Variants in DLG2 observed in about 807,000 individuals in gnomAD.
DLG2 encodes discs large MAGUK scaffold protein 2, also known as disks large homolog 2.
Under a neutral mutation model 132.5 loss-of-function variants are expected in DLG2, and 45 were observed. That is an observed-to-expected ratio of 0.34 (90% CI 0.27 to 0.44). The LOEUF is 0.44. Among genes scored for constraint, DLG2 ranks in the 20% least tolerant of loss-of-function variants. The pLI is 1.00. For synonymous variants in DLG2, 424 were observed against 419.6 expected (o/e 1.01, Z -0.13); for missense variants, 1,045 against 1,196.9 (o/e 0.87, Z 1.87).
intron 21 of DLG2, among the ~76,000 whole-genome samples, chr11:83,496,303 G>A (rs2094146761): frequency 6.6e-6 from 1 of 151,788 alleles, no homozygotes; most frequent in Non-Finnish European, 1.5e-5. Context: ...TAAAATTAAA[G>A]ACTGACAATA....
chr11:83,926,585 T>A (rs774371674), intron 15 of DLG2, among the ~76,000 whole-genome samples: 1 of 152,094 alleles, frequency 6.6e-6, no homozygotes. Context: ...CTAAATAAAT[T>A]AATAGATATA....
chr11:84,371,817 T>C (rs536211756), intron 7 of DLG2, among the ~76,000 whole-genome samples: 9 of 152,158 alleles, frequency 5.9e-5, no homozygotes, highest in African/African-American at 2.2e-4. Flanking sequence ...GAAAATAATA[T>C]CTCCTGCATG....
chr11:84,599,279 T>G (rs1306233571), intron 6 of DLG2, among the ~76,000 whole-genome samples: 1 of 152,122 alleles, frequency 6.6e-6, no homozygotes, highest in Non-Finnish European at 1.5e-5. Flanking sequence ...AAATCAGATC[T>G]CAGGACATTA....
intron 6 of DLG2, among the ~76,000 whole-genome samples, chr11:84,627,101 C>T (rs1411660551): frequency 6.6e-6 from 1 of 152,046 alleles, no homozygotes; most frequent in Non-Finnish European, 1.5e-5. Context: ...GAAGTCCTGA[C>T]ATCAGGTCAT....
chr11:84,688,165 T>A (rs1172281651), intron 6 of DLG2, among the ~76,000 whole-genome samples: 1 of 152,016 alleles, frequency 6.6e-6, no homozygotes, highest in South Asian at 2.1e-4. Flanking sequence ...ATAGAAAAAA[T>A]TTGTGTTGCA....
chr11:84,803,981 G>A (rs1426531877), intron 6 of DLG2, among the ~76,000 whole-genome samples: 1 of 152,192 alleles, frequency 6.6e-6, no homozygotes, highest in Non-Finnish European at 1.5e-5. Context: ...AGTGGTAGAT[G>A]TGAGAATTAA....
In DLG2 at chr11:84,500,151, C is replaced by T. The variant is rs192241192; in HGVS notation, c.519+34419G>A. Among the ~76,000 whole-genome samples, 6 of 152,030 alleles carry T rather than the reference C, an allele frequency of 3.9e-5. 1 individual carries two copies. Among genetic ancestry groups the T allele is most frequent in the Admixed American group, 3.3e-4 (5 of 15,284 alleles). ...ATAAAGAAAATAAAATAAACATGGT[C>T]GTATGATAGAGCGAGTTGGAAAGGT... On this transcript the variant is annotated intron_variant, in intron 7 of 27. Transcript: ENST00000376104.
chr11:84,344,762 T>C (rs1001040613), intron 7 of DLG2, among the ~76,000 whole-genome samples: 2 of 152,224 alleles, frequency 1.3e-5, no homozygotes, highest in African/African-American at 4.8e-5. Context: ...AGGTTATTAC[T>C]CAAGTTACCA....
At position 83,622,435 on chromosome 11, in the gene DLG2, A is replaced by G. The variant is rs187830739; in HGVS notation, c.1940+10776T>C. 1.7e-4 allele frequency among the ~76,000 whole-genome samples: 26 copies of G among 152,302 alleles called. No homozygotes were observed. The East Asian group carries it at 3.9e-3, about 23-fold the overall frequency. ...GGACCTGGCTCATACAACTGTAATG[A>G]TCACAACTCATTAGGGACTCTCTCA... On this transcript the variant is annotated intron_variant, in intron 19 of 27. Transcript: ENST00000376104.
chr11:83,912,293 GGTT>G (rs928422513), intron 15 of DLG2, among the ~76,000 whole-genome samples: 2 of 152,004 alleles, frequency 1.3e-5, no homozygotes, highest in African/African-American at 4.8e-5. Flanking sequence ...CTTATGACTG[GGTT>G]GTTATCTTTA....
chr11:85,129,713 C>A (rs2075504733), intron 5 of DLG2, among the ~76,000 whole-genome samples: 1 of 152,098 alleles, frequency 6.6e-6, no homozygotes, highest in African/African-American at 2.4e-5. Context: ...TGTGTATATA[C>A]CCAAAAGATT....
intron 4 of DLG2, among the ~76,000 whole-genome samples, chr11:85,269,716 C>T (rs777012102): frequency 5.0e-4 from 76 of 152,190 alleles, no homozygotes; most frequent in Non-Finnish European, 9.4e-4. Context: ...CAAGCCCACA[C>T]AAAGAGAGAA....
chr11:84,258,991 G>T (rs2097516758), intron 7 of DLG2, among the ~76,000 whole-genome samples: 1 of 152,120 alleles, frequency 6.6e-6, no homozygotes, highest in South Asian at 2.1e-4. Context: ...GCATGTGTAG[G>T]CCAGGAACAG....
At chr11:84,098,035 C>CTTTTTTTTTTTTT (rs35298703) in intron 10 of DLG2, among the ~76,000 whole-genome samples, 59 of 121,782 alleles carry the variant, frequency 4.8e-4, no homozygotes, top group African/African-American at 1.6e-3. Context: ...CACCATGTGC[C>CTTTTTTTTTTTTT]TTTTTTTTTT....
In DLG2 at chr11:84,573,285, G is replaced by A. The variant is rs375424986; in HGVS notation, c.358-38554C>T. Among the ~76,000 whole-genome samples the A allele has an allele frequency of 5.0e-3, 762 of 152,038 alleles. 5 individuals are homozygous for A. Among genetic ancestry groups the A allele is most frequent in the Middle Eastern group, 0.027 (8 of 294 alleles). ...TTAACTATTTTTAGTTATCTATTAA[G>A]TAGCAAGTGATATCAATTTTCCATT... On this transcript the variant is annotated intron_variant, in intron 6 of 27. Transcript: ENST00000376104.
At chr11:85,353,746 C>T (rs890130773) in intron 3 of DLG2, among the ~76,000 whole-genome samples, 5 of 152,098 alleles carry the variant, frequency 3.3e-5, no homozygotes, top group Non-Finnish European at 7.3e-5. Flanking sequence ...GGACAGAAAA[C>T]CAAACACTGC....
chr11:85,151,195 T>C (rs1211660820), intron 5 of DLG2, among the ~76,000 whole-genome samples: 2 of 152,214 alleles, frequency 1.3e-5, no homozygotes, highest in African/African-American at 4.8e-5. Context: ...AAGTCTTTTG[T>C]CCATTTTTAG....
intron 6 of DLG2, among the ~76,000 whole-genome samples, chr11:84,970,561 T>G (rs2053966967): frequency 6.6e-6 from 1 of 152,174 alleles, no homozygotes; most frequent in Non-Finnish European, 1.5e-5. Context: ...TCCTTATAAA[T>G]GGCTGTCTTC....
At chr11:83,568,904 G>A (rs1047663902) in intron 19 of DLG2, among the ~76,000 whole-genome samples, 4 of 152,138 alleles carry the variant, frequency 2.6e-5, no homozygotes, top group African/African-American at 9.7e-5. Context: ...CGCTATCAGA[G>A]GACTTAAGAT....
Sources: allele counts gnomAD v4.1 joint callset (sites outside exome capture counted in the v4.1 genomes callset), GRCh38; gene constraint gnomAD v4.1.1; transcripts MANE v1.5; gene names NCBI Gene and HGNC (gene_info 2026-07-23, HGNC 2026-07-21).